The following PCDHGA10 variants were observed in gnomAD, a reference collection of about 807,000 sequenced individuals.
PCDHGA10 encodes the protein protocadherin gamma-A10.
A neutral mutation model predicts 59.5 loss-of-function variants in PCDHGA10; 42 were observed. That is an observed-to-expected ratio of 0.71 (90% CI 0.55 to 0.91). The LOEUF is 0.91. Ranked by LOEUF, PCDHGA10 falls within the 40% of genes least tolerant of loss-of-function variation. The probability of loss-of-function intolerance (pLI) is 0.00; values close to 1 mark genes in which losing one functional copy is unlikely to be tolerated. For missense variants in PCDHGA10, 1,111 were observed against 1,198.2 expected (o/e 0.93, Z 1.07); for synonymous variants, 511 against 517.2 (o/e 0.99, Z 0.16).
chr5:141,423,516 C>T (rs2096749721), intron 1 of PCDHGA10: 1 of 1,613,732 alleles, frequency 6.2e-7, no homozygotes, highest in Non-Finnish European at 8.5e-7. Flanking sequence ...TCATTGCGGA[C>T]TCGCAGAAGA....
chr5:141,427,671 A>T (rs1441504057), intron 1 of PCDHGA10: 1 of 798,486 alleles, frequency 1.3e-6, no homozygotes, highest in East Asian at 2.6e-5. Flanking sequence ...GGCCGAAAAC[A>T]ACCTTCCCGG....
chr5:141,432,271 C>T lies in PCDHGA10; in HGVS notation c.2436+16660C>T. On this transcript the variant is annotated intron_variant, in intron 1 of 3. Transcript: ENST00000398610. The surrounding 1 kb of genome is among the most constrained non-coding windows in gnomAD (Gnocchi z 6.0). ...TCCAAGGGGCAAGCCTATCGTCCTA[C>T]GTGTCCATCAACTCCGACACTGGGG... is the stretch of plus-strand genomic sequence containing the variant. The T allele has an allele frequency of 6.2e-7, 1 of 1,614,264 alleles. No individual in the cohort carries two copies. Among genetic ancestry groups the T allele is most frequent in the Non-Finnish European group, 8.5e-7 (1 of 1,180,050 alleles).
Position 141,415,225 on chromosome 5 carries a change from T to C in PCDHGA10, c.2050T>C (p.Ser684Pro), listed in dbSNP as rs189700811. Residue 684 changes from serine (S) to proline (P), a missense_variant, in exon 1 of 4, where the codon TCT becomes CCT. By Grantham distance (74) the Ser-to-Pro change is moderately conservative. Transcript: ENST00000398610. ...CCTGGCGGACCTCGGCAGCTTCGAG[T>C]CTCCAGCTAACTCTGAAACCTCAGA... ...QVLADLGSFE[S>P]PANSETSDLT... 12,267 of 1,614,024 alleles carry C rather than the reference T, an allele frequency of 7.6e-3. 74 individuals carry two copies. Among genetic ancestry groups the C allele is most frequent in the Non-Finnish European group, 9.2e-3 (10,854 of 1,180,002 alleles).
At chr5:141,465,152 G>C (rs1028596804) in intron 1 of PCDHGA10, among the ~76,000 whole-genome samples, 1 of 151,422 alleles carries the variant, frequency 6.6e-6, no homozygotes, top group African/African-American at 2.4e-5. Flanking sequence ...TATATGAAGG[G>C]ACTCTAAATG....
At position 141,432,612 on chromosome 5, in the gene PCDHGA10, C is replaced by A. The variant is rs752901891; in HGVS notation, c.2436+17001C>A. On this transcript the variant is annotated intron_variant, in intron 1 of 3. Transcript: ENST00000398610. This position sits in a 1 kb window ranked among gnomAD's most constrained non-coding sequence, Gnocchi z 6.0. ...AAGGCCAGCGAGCCGGGACTCTTCT[C>A]GGTGGGTCTGCACACGGGCGAGGTG... 1 of 1,613,912 alleles carries A rather than the reference C, an allele frequency of 6.2e-7. No individual in the cohort carries two copies. The highest frequency in any genetic ancestry group is 1.1e-5 in the South Asian group (1 of 91,062).
intron 2 of PCDHGA10, among the ~76,000 whole-genome samples, chr5:141,495,094 C>T (rs1470702358): frequency 6.6e-6 from 1 of 152,156 alleles, no homozygotes; most frequent in African/African-American, 2.4e-5. Flanking sequence ...CTTCCCTCCT[C>T]GCCACGACCG....
rs543038539 is a variant in PCDHGA10 at position 141,415,850 on chromosome 5, C to A, written c.2436+239C>A. 7.3e-6 allele frequency: 9 copies of A among 1,230,004 alleles called. No homozygotes were observed. In the East Asian group the frequency reaches 2.6e-4, roughly 35 times the overall value. The allele number at this position is 1,230,004 out of a possible 1,614,324, so 76.2% of individuals were successfully genotyped here. ...TTTGTTATGATTAGCTTTGCAGAAC[C>A]TTGTAGTTTATAGTGTTGTTGAGTA... On this transcript the variant is annotated intron_variant, in intron 1 of 3. Coordinates refer to ENST00000398610, the MANE Select transcript of PCDHGA10 (RefSeq NM_018913.3).
At chr5:141,453,029 A>G (rs1014709934) in intron 1 of PCDHGA10, among the ~76,000 whole-genome samples, 1 of 152,206 alleles carries the variant, frequency 6.6e-6, no homozygotes, top group Non-Finnish European at 1.5e-5. Context: ...TCATTAAAAT[A>G]AAGTTTGTTT....
Position 141,476,115 on chromosome 5 carries a change from A to G in PCDHGA10, c.2437-18692A>G. 1 of 1,592,814 alleles carries G rather than the reference A, an allele frequency of 6.3e-7. No homozygotes were observed. The highest frequency in any genetic ancestry group is 8.5e-7 in the Non-Finnish European group (1 of 1,171,734). On this transcript the variant is annotated intron_variant, in intron 1 of 3. Coordinates refer to ENST00000398610, the MANE Select transcript of PCDHGA10 (RefSeq NM_018913.3). This position sits in a 1 kb window ranked among gnomAD's most constrained non-coding sequence, Gnocchi z 7.6. ...CGCTGAGAGGAACTGCTTTTGAGTG[A>G]GATGGTCCCAGAGGCCTGGAGGAGC...
rs781346812 is a variant in PCDHGA10, at chr5:141,489,773, T to A, written c.2437-5034T>A. 6.2e-7 allele frequency: 1 copy of A among 1,614,102 alleles called. No individual in the cohort carries two copies. The highest frequency in any genetic ancestry group is 8.5e-7 in the Non-Finnish European group (1 of 1,179,984). ...TACACTCTAAGCCCCAACAGCCACT[T>A]CTCTCTGAATGTGAAGACCCTAAAA... is the stretch of plus-strand genomic sequence containing the variant. On this transcript the variant is annotated intron_variant, in intron 1 of 3. Transcript: ENST00000398610. The surrounding 1 kb of genome is among the most constrained non-coding windows in gnomAD (Gnocchi z 4.5).
At chr5:141,423,631 T>G (rs1452661307) in intron 1 of PCDHGA10, 2 of 1,603,990 alleles carry the variant, frequency 1.2e-6, no homozygotes, top group African/African-American at 2.7e-5. Flanking sequence ...AGCTATCATT[T>G]TAGGCAAATG....
intron 1 of PCDHGA10, among the ~76,000 whole-genome samples, chr5:141,454,918 C>T (rs1474616925): frequency 6.7e-6 from 1 of 149,344 alleles, no homozygotes; most frequent in Non-Finnish European, 1.5e-5. Context: ...CGCCATTCTC[C>T]TGCCTCAGCC....
At chr5:141,501,366 T>G (rs1297210978) in intron 2 of PCDHGA10, among the ~76,000 whole-genome samples, 1 of 150,672 alleles carries the variant, frequency 6.6e-6, no homozygotes, top group Non-Finnish European at 1.5e-5. Flanking sequence ...ACCATATTCA[T>G]CATCTCTTAA....
chr5:141,458,701 C>A (rs1057501287), intron 1 of PCDHGA10, among the ~76,000 whole-genome samples: 3 of 152,088 alleles, frequency 2.0e-5, no homozygotes, highest in Non-Finnish European at 2.9e-5. Context: ...TCCCGAGTAG[C>A]TGGGATTACA....
intron 1 of PCDHGA10, among the ~76,000 whole-genome samples, chr5:141,461,983 C>T (rs1390320490): frequency 6.6e-6 from 1 of 152,192 alleles, no homozygotes. Flanking sequence ...GCCACCACGC[C>T]AGGCTAATTT....
chr5:141,510,814 CT>C, intron 3 of PCDHGA10, 132 bp from the exon 4 acceptor site: 1 of 1,544,688 alleles, frequency 6.5e-7, no homozygotes, highest in Non-Finnish European at 8.8e-7. Context: ...TTGGTGACCC[CT>C]ATATTCCCAG....
chr5:141,475,105 G>C (rs1215386045), intron 1 of PCDHGA10, among the ~76,000 whole-genome samples: 1 of 152,156 alleles, frequency 6.6e-6, no homozygotes, highest in Non-Finnish European at 1.5e-5. Context: ...GATCCTAGGT[G>C]GTAAATAGGC....
intron 1 of PCDHGA10, among the ~76,000 whole-genome samples, chr5:141,438,397 C>A (rs950830331): frequency 6.6e-6 from 1 of 151,624 alleles, no homozygotes. Context: ...TCATCATTAA[C>A]TCTCTGAAGT....
In PCDHGA10 at chr5:141,449,878, A is replaced by G. The variant is rs536474516; in HGVS notation, c.2436+34267A>G. On this transcript the variant is annotated intron_variant, in intron 1 of 3. Transcript: ENST00000398610. ...ATAAAAATCAGAAAATTTAACATCA[A>G]TGCAATATAATTATTTAGCCTATAG... 6.6e-4 allele frequency among the ~76,000 whole-genome samples: 100 copies of G among 152,050 alleles called. 1 individual carries two copies. The highest frequency in any genetic ancestry group is 2.4e-3 in the African/African-American group (99 of 41,574).
Sources: allele counts gnomAD v4.1 joint callset (sites outside exome capture counted in the v4.1 genomes callset), GRCh38; gene constraint gnomAD v4.1.1; non-coding constraint Gnocchi (gnomAD v3.1); transcripts MANE v1.5; gene names NCBI Gene and HGNC (gene_info 2026-07-23, HGNC 2026-07-21).